The following ACMSD variants were observed in gnomAD, a reference collection of about 807,000 sequenced individuals.
The protein encoded by ACMSD is aminocarboxymuconate semialdehyde decarboxylase, also known as 2-amino-3-carboxymuconate-6-semialdehyde decarboxylase.
In ACMSD, 37 loss-of-function variants were observed where a neutral mutation model predicts 45.9. The observed-to-expected ratio is 0.81, with a 90% CI of 0.62 to 1.06. The LOEUF is 1.06. Ranked by LOEUF, ACMSD falls within the 50% of genes least tolerant of loss-of-function variation. The probability of loss-of-function intolerance (pLI) is 0.00; values close to 1 mark genes in which losing one functional copy is unlikely to be tolerated. For missense variants in ACMSD, 434 were observed against 420.9 expected (o/e 1.03, Z -0.27); for synonymous variants, 138 against 148.8 (o/e 0.93, Z 0.53).
chr2:134,843,030 C>A (rs542052302), intron 1 of ACMSD, among the ~76,000 whole-genome samples: 4 of 152,128 alleles, frequency 2.6e-5, no homozygotes, highest in African/African-American at 9.7e-5. Context: ...GAAATAAAAC[C>A]TTTTCTTCTA....
intron 8 of ACMSD, among the ~76,000 whole-genome samples, chr2:134,893,038 C>A (rs1386926468): frequency 2.0e-5 from 3 of 152,026 alleles, no homozygotes; most frequent in African/African-American, 7.3e-5. Context: ...TTTTCACCAC[C>A]CATTTACTTT....
intron 2 of ACMSD, among the ~76,000 whole-genome samples, chr2:134,854,754 T>C (rs960739069): frequency 1.3e-5 from 2 of 152,210 alleles, no homozygotes; most frequent in Admixed American, 6.5e-5. Flanking sequence ...ACTTCACACA[T>C]AGGATGTGTT....
chr2:134,898,234 ATG>A, intron 8 of ACMSD, 105 bp from the exon 9 acceptor site: 1 of 597,174 alleles, frequency 1.7e-6, no homozygotes, highest in Non-Finnish European at 2.7e-6. Flanking sequence ...TCAGGAAAAA[ATG>A]TGTTATTTTT....
At chr2:134,886,711 C>T (rs916013177) in intron 8 of ACMSD, among the ~76,000 whole-genome samples, 9 of 152,116 alleles carry the variant, frequency 5.9e-5, no homozygotes, top group South Asian at 2.1e-4. Flanking sequence ...TCCACCCTCA[C>T]GCCTTCCAAT....
intron 1 of ACMSD, among the ~76,000 whole-genome samples, chr2:134,842,270 C>T (rs528107265): frequency 6.6e-6 from 1 of 152,080 alleles, no homozygotes; most frequent in Non-Finnish European, 1.5e-5. Context: ...CAAGCACAGA[C>T]CTGGAGAAGA....
chr2:134,867,815 T>C, intron 6 of ACMSD, 143 bp downstream of exon 6: 1 of 553,848 alleles, frequency 1.8e-6, no homozygotes, highest in Admixed American at 3.3e-5. Context: ...ACTGAGCTCT[T>C]ACTTGGATTA....
At chr2:134,841,591 ACT>A (rs1491490080) in intron 1 of ACMSD, among the ~76,000 whole-genome samples, 1 of 152,034 alleles carries the variant, frequency 6.6e-6, no homozygotes, top group Non-Finnish European at 1.5e-5. Flanking sequence ...GAGGACCCAC[ACT>A]CTCTGCTGTC....
intron 8 of ACMSD, among the ~76,000 whole-genome samples, chr2:134,887,500 T>C (rs138804527): frequency 7.2e-5 from 11 of 152,170 alleles, no homozygotes; most frequent in African/African-American, 2.6e-4. Context: ...GCCTCCCAGG[T>C]TCAAGTGATT....
intron 8 of ACMSD, among the ~76,000 whole-genome samples, chr2:134,885,320 AAT>A (rs1429155347): frequency 1.2e-5 from 1 of 86,128 alleles, no homozygotes; most frequent in South Asian, 3.9e-4. Context: ...TATATATATA[AAT>A]ATATATGTAA....
At position 134,863,487 on chromosome 2, in the gene ACMSD, G is replaced by A. The variant is rs1310725103; in HGVS notation, c.342G>A (p.Leu114=). ...VVSYPRRFVG[L]GTLPMQAPEL... ...GCTACCCCAGGAGGTTCGTGGGTCT[G>A]GGGACGTTGCCCATGCAGGCCCCTG... The change falls in exon 5 of 10, where the codon CTG becomes CTA. Residue 114 remains leucine (L), a synonymous_variant. Coordinates refer to ENST00000356140, the MANE Select transcript of ACMSD (RefSeq NM_138326.3). The A allele has an allele frequency of 1.9e-6, 3 of 1,614,240 alleles. No homozygotes were observed. The South Asian group carries it at 3.3e-5, about 18-fold the overall frequency.
chr2:134,849,745 T>C (rs1687242253), intron 2 of ACMSD, among the ~76,000 whole-genome samples: 2 of 152,194 alleles, frequency 1.3e-5, no homozygotes, highest in Non-Finnish European at 2.9e-5. Flanking sequence ...TGTCTTTTGA[T>C]TGAATATTTA....
chr2:134,864,988 TATA>T (rs938540525), intron 5 of ACMSD, among the ~76,000 whole-genome samples: 9 of 152,240 alleles, frequency 5.9e-5, no homozygotes, highest in African/African-American at 1.9e-4. Flanking sequence ...CTCCTAGAAT[TATA>T]ATAATATTGC....
At chr2:134,861,848 G>A (rs370663392) in intron 3 of ACMSD, 121 bp from the exon 4 acceptor site, 10 of 1,008,048 alleles carry the variant, frequency 9.9e-6, no homozygotes, top group East Asian at 2.4e-5. Flanking sequence ...TGAGAGGGAC[G>A]CAGGGAGGGA....
At chr2:134,876,735 G>A (rs554123538) in intron 8 of ACMSD, among the ~76,000 whole-genome samples, 5 of 152,122 alleles carry the variant, frequency 3.3e-5, no homozygotes, top group East Asian at 3.9e-4. Flanking sequence ...CAGTGACATC[G>A]TCATTTATAT....
intron 7 of ACMSD, among the ~76,000 whole-genome samples, chr2:134,871,960 C>CTTTT (rs35987999): frequency 7.0e-6 from 1 of 142,052 alleles, no homozygotes. Context: ...TGCCTTCACT[C>CTTTT]TTTTTTTTTT....
intron 1 of ACMSD, among the ~76,000 whole-genome samples, chr2:134,843,193 CCAGGG>C (rs1686886239): frequency 2.6e-5 from 4 of 152,070 alleles, no homozygotes; most frequent in Non-Finnish European, 5.9e-5. Context: ...GGAAAAAGTA[CCAGGG>C]CATTGAATGC....
At chr2:134,863,285 AG>A (rs1687930609) in intron 4 of ACMSD, 109 bp from the exon 5 acceptor site, 1 of 1,142,384 alleles carries the variant, frequency 8.8e-7, no homozygotes, top group Admixed American at 1.9e-5. Flanking sequence ...GATGTGGTAA[AG>A]CCACTGAAAA....
chr2:134,875,449 T>C (rs902221826), intron 8 of ACMSD, among the ~76,000 whole-genome samples: 2 of 152,244 alleles, frequency 1.3e-5, no homozygotes, highest in African/African-American at 4.8e-5. Flanking sequence ...AAAACCATTA[T>C]TGAGCACCTG....
At chr2:134,853,819 T>C (rs1687460266) in intron 2 of ACMSD, among the ~76,000 whole-genome samples, 1 of 152,172 alleles carries the variant, frequency 6.6e-6, no homozygotes, top group Non-Finnish European at 1.5e-5. Context: ...TTACCATGGA[T>C]CTAGCATGAA....
Sources: allele counts gnomAD v4.1 joint callset (sites outside exome capture counted in the v4.1 genomes callset), GRCh38; gene constraint gnomAD v4.1.1; transcripts MANE v1.5; gene names NCBI Gene and HGNC (gene_info 2026-07-23, HGNC 2026-07-21).